EDIL3: variants seen among roughly 807,000 people sequenced by gnomAD.
EDIL3 encodes the protein EGF like and discoidin domains 3.
Under a neutral mutation model 67.4 loss-of-function variants are expected in EDIL3, and 37 were observed. The ratio of observed to expected loss-of-function variants is 0.55; its 90% CI spans 0.42 to 0.72. The LOEUF (loss-of-function observed/expected upper bound fraction) is 0.72. Ranked by LOEUF, EDIL3 falls within the 30% of genes least tolerant of loss-of-function variation. EDIL3 has a pLI of 0.00. For missense variants in EDIL3, 527 were observed against 586.3 expected (o/e 0.90, Z 1.04); for synonymous variants, 195 against 196.3 (o/e 0.99, Z 0.05).
intron 9 of EDIL3, among the ~76,000 whole-genome samples, chr5:84,052,147 C>A (rs1164545004): frequency 6.6e-6 from 1 of 152,068 alleles, no homozygotes; most frequent in Non-Finnish European, 1.5e-5. Context: ...AGAGTGGGGG[C>A]CAATATTTAA....
At chr5:83,945,669 G>T (rs1019205963) in intron 10 of EDIL3, among the ~76,000 whole-genome samples, 1 of 150,300 alleles carries the variant, frequency 6.7e-6, no homozygotes, top group Non-Finnish European at 1.5e-5. Flanking sequence ...TTATAATGAA[G>T]AATACATACA....
At chr5:84,301,682 T>C (rs1466165443) in intron 1 of EDIL3, among the ~76,000 whole-genome samples, 1 of 152,234 alleles carries the variant, frequency 6.6e-6, no homozygotes, top group Non-Finnish European at 1.5e-5. Context: ...GACTCATGAC[T>C]TTGGAAAGCA....
intron 1 of EDIL3, among the ~76,000 whole-genome samples, chr5:84,287,674 G>C (rs571442978): frequency 6.6e-6 from 1 of 152,062 alleles, no homozygotes; most frequent in Admixed American, 6.6e-5. Context: ...AATCAAAAAC[G>C]CTGCTAAATA....
chr5:84,291,745 GATATATCTATATATCT>G (rs1182368429), intron 1 of EDIL3, among the ~76,000 whole-genome samples: 25 of 119,794 alleles, frequency 2.1e-4, no homozygotes, highest in African/African-American at 7.6e-4. Context: ...TATCTATATA[GATATATCTATATATCT>G]ATATATCTAT....
rs781212155 is a variant in EDIL3 at position 84,254,124 on chromosome 5, A to G, written c.156T>C (p.Asp52=). The G allele has an allele frequency of 6.2e-7, 1 of 1,613,168 alleles. No homozygotes were observed. Among genetic ancestry groups the G allele is most frequent in the East Asian group, 2.2e-5 (1 of 44,840 alleles). Residue 52 remains aspartate, a synonymous_variant, in exon 2 of 11, where the codon GAT becomes GAC. Coordinates refer to ENST00000296591, the MANE Select transcript of EDIL3 (RefSeq NM_005711.5). ...ADGSFSCECP[D]GFTDPNCSSV... ...TAGAACAGTTGGGGTCTGTGAAGCC[A>G]TCTGGACACTCACAGGAAAAGGAAC...
intron 9 of EDIL3, among the ~76,000 whole-genome samples, chr5:83,973,550 G>C (rs1744826951): frequency 6.6e-6 from 1 of 152,072 alleles, no homozygotes; most frequent in Non-Finnish European, 1.5e-5. Context: ...GACTCAGTGA[G>C]CTGGTGATCA....
At chr5:84,026,400 C>T (rs536985207) in intron 9 of EDIL3, among the ~76,000 whole-genome samples, 9 of 152,088 alleles carry the variant, frequency 5.9e-5, no homozygotes, top group Admixed American at 1.3e-4. Flanking sequence ...TTGTTTCCAT[C>T]TTTCTTTTTT....
intron 9 of EDIL3, among the ~76,000 whole-genome samples, chr5:83,994,772 T>C (rs1013201878): frequency 6.6e-6 from 1 of 152,168 alleles, no homozygotes; most frequent in Non-Finnish European, 1.5e-5. Flanking sequence ...TTCAGTTTGT[T>C]TTTTAAGGAA....
At chr5:84,255,806 GA>G (rs908812361) in intron 1 of EDIL3, among the ~76,000 whole-genome samples, 2 of 152,172 alleles carry the variant, frequency 1.3e-5, no homozygotes, top group Non-Finnish European at 2.9e-5. Context: ...TTAGAAAAGA[GA>G]GTCATAAAAT....
intron 9 of EDIL3, among the ~76,000 whole-genome samples, chr5:83,994,947 T>C (rs1257497170): frequency 2.6e-5 from 4 of 152,146 alleles, no homozygotes. Flanking sequence ...TGAAAAATGC[T>C]CTTTTCCATT....
At chr5:83,965,751 C>G (rs1354075635) in intron 9 of EDIL3, among the ~76,000 whole-genome samples, 2 of 151,936 alleles carry the variant, frequency 1.3e-5, no homozygotes, top group Non-Finnish European at 2.9e-5. Context: ...TCTAACGGCT[C>G]CCCTTCTGCA....
chr5:84,304,894 T>C (rs1729775085), intron 1 of EDIL3, among the ~76,000 whole-genome samples: 2 of 152,306 alleles, frequency 1.3e-5, no homozygotes, highest in African/African-American at 4.8e-5. Flanking sequence ...TTTGGAAATA[T>C]ATAAAAAGCA....
intron 9 of EDIL3, among the ~76,000 whole-genome samples, chr5:83,972,226 T>C (rs1744805502): frequency 6.6e-6 from 1 of 152,130 alleles, no homozygotes; most frequent in African/African-American, 2.4e-5. Context: ...GTTTACTCTG[T>C]CTGCAAATGG....
At chr5:84,292,915 G>A (rs1005113599) in intron 1 of EDIL3, among the ~76,000 whole-genome samples, 2 of 152,128 alleles carry the variant, frequency 1.3e-5, no homozygotes, top group East Asian at 1.9e-4. Flanking sequence ...CTCCTAGCAC[G>A]CAAGTCCCTC....
chr5:84,278,110 G>C (rs1055009948), intron 1 of EDIL3, among the ~76,000 whole-genome samples: 2 of 152,088 alleles, frequency 1.3e-5, no homozygotes. Context: ...AAAGTTAGAC[G>C]CAAACAGACA....
At chr5:84,166,992 C>G (rs954744184) in intron 4 of EDIL3, among the ~76,000 whole-genome samples, 1 of 152,062 alleles carries the variant, frequency 6.6e-6, no homozygotes, top group African/African-American at 2.4e-5. Flanking sequence ...ACGGGGCATG[C>G]CAGGTTATTT....
intron 6 of EDIL3, among the ~76,000 whole-genome samples, chr5:84,092,998 G>C (rs1404058905): frequency 6.6e-6 from 1 of 152,108 alleles, no homozygotes; most frequent in East Asian, 1.9e-4. Context: ...TGGTTCCTCT[G>C]CTCTCTGGAT....
At chr5:83,958,289 A>G (rs1182650976) in intron 10 of EDIL3, among the ~76,000 whole-genome samples, 2 of 151,454 alleles carry the variant, frequency 1.3e-5, no homozygotes, top group African/African-American at 4.8e-5. Flanking sequence ...AGTCTGAAGC[A>G]GGGCCCAGAA....
At chr5:84,231,997 G>A (rs1372216664) in intron 2 of EDIL3, among the ~76,000 whole-genome samples, 1 of 152,164 alleles carries the variant, frequency 6.6e-6, no homozygotes, top group Non-Finnish European at 1.5e-5. Context: ...AAGTACAGAG[G>A]TTCAGAGTGA....
Sources: allele counts gnomAD v4.1 joint callset (sites outside exome capture counted in the v4.1 genomes callset), GRCh38; gene constraint gnomAD v4.1.1; transcripts MANE v1.5; gene names NCBI Gene and HGNC (gene_info 2026-07-23, HGNC 2026-07-21).